Variants in SLC12A7 observed in about 807,000 individuals in gnomAD.
The protein encoded by SLC12A7 is K-Cl cotransporter 4.
Under a neutral mutation model 120.6 loss-of-function variants are expected in SLC12A7, and 100 were observed. That is an observed-to-expected ratio of 0.83 (90% confidence interval 0.71 to 0.98). The LOEUF is 0.98. Among genes scored for constraint, SLC12A7 ranks in the 50% least tolerant of loss-of-function variants. The probability of loss-of-function intolerance (pLI) is 0.00; values close to 1 mark genes in which losing one functional copy is unlikely to be tolerated. For synonymous variants in SLC12A7, 760 were observed against 678.0 expected (o/e 1.12, Z -1.88); for missense variants, 1,373 against 1,548.1 (o/e 0.89, Z 1.90).
the SLC12A7 span, among the ~76,000 whole-genome samples, chr5:1,121,101 G>T: frequency 3.9e-5 from 6 of 152,172 alleles, no homozygotes; most frequent in Non-Finnish European, 5.9e-5. Flanking sequence ...GCCCGCCACC[G>T]TTCCCCAAGC....
chr5:1,143,148 A>G, the SLC12A7 span, among the ~76,000 whole-genome samples: 1 of 152,318 alleles, frequency 6.6e-6, no homozygotes, highest in South Asian at 2.1e-4. Flanking sequence ...GCCGCAGCTC[A>G]AGGATCACCT....
intron 20 of SLC12A7, 74 bp from the exon 21 acceptor site, chr5:1,060,525 C>T (rs1333886682): frequency 1.7e-6 from 2 of 1,176,592 alleles, no homozygotes; most frequent in Admixed American, 3.5e-5. Flanking sequence ...AGCCCGGTAC[C>T]CAGAGACCGA....
intron 22 of SLC12A7, 30 bp from the exon 23 acceptor site, chr5:1,053,512 C>G (rs766524856): frequency 1.2e-6 from 2 of 1,607,206 alleles, no homozygotes; most frequent in Non-Finnish European, 1.7e-6. Flanking sequence ...GGTCAGCGGG[C>G]GGCGGGTGCA....
At position 1,063,206 on chromosome 5, in the gene SLC12A7, C is replaced by G. The variant is rs182853088; in HGVS notation, c.2739+638G>C. On this transcript the variant is annotated intron_variant, in intron 20 of 23. Coordinates refer to ENST00000264930, the MANE Select transcript of SLC12A7 (RefSeq NM_006598.3). ...TGTCCAGGCCCTGCCTATAGCTGACCGAGGGCCTGTCTGTCCCACGTGACA... is the reference window on the plus strand; with the variant it reads ...TGTCCAGGCCCTGCCTATAGCTGACGGAGGGCCTGTCTGTCCCACGTGACA... 2.9e-4 allele frequency among the ~76,000 whole-genome samples: 44 copies of G among 152,320 alleles called. No homozygotes were observed. The East Asian group carries it at 7.9e-3, about 27-fold the overall frequency.
chr5:1,073,980 G>T (rs575514475), intron 16 of SLC12A7, among the ~76,000 whole-genome samples, 179 bp from the exon 17 acceptor site: 1 of 152,142 alleles, frequency 6.6e-6, no homozygotes, highest in Non-Finnish European at 1.5e-5. Flanking sequence ...CGTGACACAC[G>T]TGGGGTAAGT....
chr5:1,087,599 C>A (rs1740012241), intron 5 of SLC12A7, among the ~76,000 whole-genome samples: 1 of 152,196 alleles, frequency 6.6e-6, no homozygotes, highest in South Asian at 2.1e-4. Flanking sequence ...GAGGGAGACC[C>A]CTGGTGAAGG....
At chr5:1,111,758 G>A in intron 1 of SLC12A7, 110 bp downstream of exon 1, 2 of 1,070,808 alleles carry the variant, frequency 1.9e-6, no homozygotes, top group Non-Finnish European at 2.3e-6. Context: ...CGCGGGAAGG[G>A]GCGCCTCCTG....
At chr5:1,110,916 T>A (rs1392569283) in intron 1 of SLC12A7, among the ~76,000 whole-genome samples, 1 of 152,202 alleles carries the variant, frequency 6.6e-6, no homozygotes, top group Non-Finnish European at 1.5e-5. Context: ...CTGGAGGGGA[T>A]GTCTGGCCTT....
intron 17 of SLC12A7, among the ~76,000 whole-genome samples, chr5:1,069,749 C>A (rs977418454): frequency 2.0e-5 from 3 of 152,148 alleles, no homozygotes; most frequent in African/African-American, 7.2e-5. Flanking sequence ...CGTGATGGGA[C>A]CCCACAGGCT....
At position 1,085,259 on chromosome 5, in the gene SLC12A7, TTGA is replaced by T; in HGVS notation, c.887_889del (p.Ile296del). ...GATGTCCGGGGGGTCGAAGGCAGAC[TTGA>T]TGACGCCGGCATAGATGGCCAGGAT... is the stretch of plus-strand genomic sequence containing the variant. On this transcript the variant is annotated inframe_deletion, in exon 7 of 24. Coordinates refer to ENST00000264930, the MANE Select transcript of SLC12A7 (RefSeq NM_006598.3). 1 of 1,612,056 alleles carries T rather than the reference TTGA, an allele frequency of 6.2e-7. No homozygotes were observed. The highest frequency in any genetic ancestry group is 8.5e-7 in the Non-Finnish European group (1 of 1,179,622).
At chr5:1,082,070 T>C (rs1739202888) in intron 8 of SLC12A7, among the ~76,000 whole-genome samples, 1 of 64,536 alleles carries the variant, frequency 1.5e-5, no homozygotes, top group Admixed American at 1.5e-4. Flanking sequence ...GGGCTTCCCA[T>C]CTTGGGTTCT....
At chr5:1,127,638 G>A in the SLC12A7 span, among the ~76,000 whole-genome samples, 14 of 152,300 alleles carry the variant, frequency 9.2e-5, no homozygotes, top group African/African-American at 3.1e-4. Flanking sequence ...TCTTGTAAAT[G>A]GAGATAAAAT....
chr5:1,100,097 C>G (rs1741868015), intron 1 of SLC12A7, among the ~76,000 whole-genome samples: 1 of 152,220 alleles, frequency 6.6e-6, no homozygotes, highest in Non-Finnish European at 1.5e-5. Context: ...TCCCACACGC[C>G]TCGGAAGAGA....
At chr5:1,087,584 C>T (rs1225661446) in intron 5 of SLC12A7, among the ~76,000 whole-genome samples, 1 of 152,222 alleles carries the variant, frequency 6.6e-6, no homozygotes, top group African/African-American at 2.4e-5. Context: ...GGTCCCTTGG[C>T]TGCGGAGGGA....
At chr5:1,075,335 T>C (rs773207838) in intron 15 of SLC12A7, 36 bp downstream of exon 15, 11 of 1,596,494 alleles carry the variant, frequency 6.9e-6, no homozygotes, top group East Asian at 2.3e-5. Context: ...CGCCCTCCCG[T>C]GCGCCGGGTC....
rs1166560293 is a variant in SLC12A7 at position 1,061,070 on chromosome 5, GCACCTGCCGCATCCGCCA to G, written c.2740-637_2740-620del. On this transcript the variant is annotated intron_variant, in intron 20 of 23. Coordinates refer to ENST00000264930, the MANE Select transcript of SLC12A7 (RefSeq NM_006598.3). ...CTGAGTCTCACCCGCCGCACCCGCC[GCACCTGCCGCATCCGCCA>G]TGCGGAACCCCTGCGTCTCACCCAC... 8.8e-3 allele frequency among the ~76,000 whole-genome samples: 897 copies of G among 101,800 alleles called. 2 individuals carry two copies. Among genetic ancestry groups the G allele is most frequent in the African/African-American group, 0.026 (597 of 22,866 alleles). 66.8% of individuals were successfully genotyped at this position (101,800 alleles called of 152,430 possible).
chr5:1,081,640 C>T lies in SLC12A7; in HGVS notation c.1234G>A (p.Val412Met), dbSNP rs762819835. The change falls in exon 9 of 24, where the codon GTG (valine) becomes ATG (methionine). Residue 412 changes from valine (V) to methionine (M), a missense_variant. Val to Met is a conservative substitution (Grantham distance 21). Transcript: ENST00000264930. ...EESRASALPY[V>M]LTDIAASFTL... is the part of the protein sequence containing the mutation. The stretch of plus-strand genomic sequence containing the variant: ...AAGGAGGCCGCGATGTCGGTGAGCA[C>T]GTAGGGCAGTGCGCTGGCACGGCTC... The T allele has an allele frequency of 5.5e-5, 88 of 1,612,988 alleles. No homozygotes were observed. The highest frequency in any genetic ancestry group is 6.7e-5 in the East Asian group (3 of 44,876).
the SLC12A7 span, among the ~76,000 whole-genome samples, chr5:1,124,620 G>A: frequency 6.6e-6 from 1 of 152,110 alleles, no homozygotes; most frequent in Non-Finnish European, 1.5e-5. Context: ...GAGCCTTGCG[G>A]CGCTGGACAC....
chr5:1,117,037 C>T (rs191593070), upstream of SLC12A7, among the ~76,000 whole-genome samples: 257 of 152,204 alleles, frequency 1.7e-3, 1 homozygote, highest in African/African-American at 5.8e-3. The surrounding 1 kb of genome is among the most constrained non-coding windows in gnomAD (Gnocchi z 4.5). Flanking sequence ...TCATGGATGC[C>T]GCCCCCGACC....
Sources: allele counts gnomAD v4.1 joint callset (sites outside exome capture counted in the v4.1 genomes callset), GRCh38; gene constraint gnomAD v4.1.1; non-coding constraint Gnocchi (gnomAD v3.1); transcripts MANE v1.5; gene names NCBI Gene and HGNC (gene_info 2026-07-23, HGNC 2026-07-21).